RASSF4: variants seen among roughly 807,000 people sequenced by gnomAD.
RASSF4 encodes ras association domain-containing protein 4.
RASSF4 carries 38 observed loss-of-function variants against 41.1 expected under a neutral mutation model. The ratio of observed to expected loss-of-function variants is 0.92; its 90% CI spans 0.71 to 1.21. The LOEUF (loss-of-function observed/expected upper bound fraction) is 1.21. RASSF4 is among the 50% of genes most tolerant of loss of function. The pLI, the probability that RASSF4 is intolerant of heterozygous loss-of-function variation, is 0.00. For missense variants in RASSF4, 414 were observed against 419.4 expected, an observed-to-expected ratio of 0.99 and a Z score of 0.11; for synonymous variants, 179 against 163.4, an observed-to-expected ratio of 1.10 and a Z score of -0.73.
chr10:44,976,396 A>G (rs1841427725), intron 3 of RASSF4: 1 of 152,280 alleles, frequency 6.6e-6, no homozygotes. Context: ...AATAACCTAG[A>G]CTGACAGCTC....
intron 7 of RASSF4, 23 bp from the exon 8 acceptor site, chr10:44,989,643 TCTGA>T: frequency 6.2e-7 from 1 of 1,612,058 alleles, no homozygotes; most frequent in South Asian, 1.1e-5. Context: ...AGCACCGTGA[TCTGA>T]CTTCCTGTGA....
chr10:44,977,733 C>T, intron 3 of RASSF4: 1 of 1,605,234 alleles, frequency 6.2e-7, no homozygotes, highest in Non-Finnish European at 8.5e-7. Flanking sequence ...TCCACAGTAT[C>T]AGCCATGGGC....
chr10:44,989,667 C>G lies in RASSF4; in HGVS notation c.634-3C>G. ...ATCTGACTTCCTGTGACTGCCTGTGCAGGTGGAAGATGGCCCCAGTGAGTT... is the reference window on the plus strand; with the variant it reads ...ATCTGACTTCCTGTGACTGCCTGTGGAGGTGGAAGATGGCCCCAGTGAGTT... On this transcript the variant is annotated splice_polypyrimidine_tract_variant and splice_region_variant and intron_variant, in intron 7 of 10. Coordinates refer to ENST00000340258, the MANE Select transcript of RASSF4 (RefSeq NM_032023.4). The G allele has an allele frequency of 6.2e-7, 1 of 1,614,006 alleles. No individual in the cohort carries two copies. The highest frequency in any genetic ancestry group is 8.5e-7 in the Non-Finnish European group (1 of 1,179,852).
intron 1 of RASSF4, among the ~76,000 whole-genome samples, chr10:44,962,610 T>C (rs1167462421): frequency 6.6e-6 from 1 of 152,004 alleles, no homozygotes; most frequent in Non-Finnish European, 1.5e-5. Context: ...CCCAGAGGGG[T>C]CTGCCCCTCT....
At chr10:44,977,985 G>C (rs144604623) in intron 3 of RASSF4, 14 of 1,611,950 alleles carry the variant, frequency 8.7e-6, no homozygotes, top group Non-Finnish European at 1.1e-5. Flanking sequence ...GTGGTCTCCC[G>C]AATTGTGGGC....
chr10:44,983,905 C>T (rs1189730647), intron 4 of RASSF4, 117 bp from the exon 5 acceptor site: 1 of 1,529,240 alleles, frequency 6.5e-7, no homozygotes, highest in Non-Finnish European at 8.8e-7. Flanking sequence ...GGCCTCACCT[C>T]AGCCTGCCTT....
chr10:44,988,466 C>T (rs1314967367), intron 6 of RASSF4, among the ~76,000 whole-genome samples: 1 of 152,008 alleles, frequency 6.6e-6, no homozygotes, highest in Admixed American at 6.6e-5. Context: ...CCCCCACCCC[C>T]CAGCCAAATT....
At chr10:44,971,176 C>T (rs1485257923) in intron 2 of RASSF4, 6 of 309,722 alleles carry the variant, frequency 1.9e-5, no homozygotes, top group Non-Finnish European at 3.8e-5. Flanking sequence ...TCCAGGCCTC[C>T]CCTTCCTCCA....
chr10:44,987,806 T>C (rs1841975644), intron 6 of RASSF4, among the ~76,000 whole-genome samples: 1 of 152,160 alleles, frequency 6.6e-6, no homozygotes, highest in African/African-American at 2.4e-5. Context: ...TTAGATGTAG[T>C]ACTGTCTCAC....
At chr10:44,982,793 C>A in intron 4 of RASSF4, 130 bp downstream of exon 4, 1 of 1,032,394 alleles carries the variant, frequency 9.7e-7, no homozygotes, top group Non-Finnish European at 1.4e-6. Context: ...AGCCTCATCC[C>A]CATGCCCTGT....
chr10:44,986,403 C>A (rs1303959179), intron 6 of RASSF4, among the ~76,000 whole-genome samples: 2 of 152,230 alleles, frequency 1.3e-5, no homozygotes, highest in African/African-American at 4.8e-5. Flanking sequence ...TGAGGGTTTT[C>A]ATCGCAGCCT....
rs1021208752 is a variant in RASSF4 at position 44,975,062 on chromosome 10, G to A, written c.138+3214G>A. 5.3e-5 allele frequency among the ~76,000 whole-genome samples: 8 copies of A among 152,152 alleles called. No individual in the cohort carries two copies. In the Middle Eastern group the frequency reaches 0.01, roughly 195 times the overall value. On this transcript the variant is annotated intron_variant, in intron 3 of 10. Coordinates refer to ENST00000340258, the MANE Select transcript of RASSF4 (RefSeq NM_032023.4). Reference sequence around the variant, plus strand: ...GCCCCAGGCGGCAGGACCTTTTCTGGGGACTGTGTGCCGGCCCCGCCCGCC... The same window carrying A: ...GCCCCAGGCGGCAGGACCTTTTCTGAGGACTGTGTGCCGGCCCCGCCCGCC...
intron 8 of RASSF4, chr10:44,990,706 T>G (rs954780016): frequency 5.1e-5 from 19 of 372,122 alleles, no homozygotes; most frequent in Non-Finnish European, 8.8e-5. Context: ...CTCACTTGTA[T>G]CTTCTTCTTC....
rs1588824724 is a variant in RASSF4 at position 44,978,253 on chromosome 10, T to G, written c.139-4268T>G. On this transcript the variant is annotated intron_variant, in intron 3 of 10. Coordinates refer to ENST00000340258, the MANE Select transcript of RASSF4 (RefSeq NM_032023.4). ...GTTAAAAACCCCAAAGGCTTAAGAT[T>G]TTATCATTATCGTTTCAGAATGTGC... 20 of 537,778 alleles carry G rather than the reference T, an allele frequency of 3.7e-5. No homozygotes were observed. The East Asian group carries it at 6.6e-4, about 18-fold the overall frequency. 33.3% of individuals were successfully genotyped at this position (537,778 alleles called of 1,614,324 possible).
At chr10:44,988,736 T>A (rs573068133) in intron 6 of RASSF4, among the ~76,000 whole-genome samples, 66 of 152,196 alleles carry the variant, frequency 4.3e-4, no homozygotes, top group Non-Finnish European at 8.1e-4. Flanking sequence ...TGGATGCAGC[T>A]GGGCTAGACG....
chr10:44,980,774 T>C (rs1435700539), intron 3 of RASSF4: 1 of 152,382 alleles, frequency 6.6e-6, no homozygotes, highest in East Asian at 1.9e-4. Flanking sequence ...TGGGTCTCCA[T>C]GAGTGAGCCA....
chr10:44,983,985 C>T (rs746919665), intron 4 of RASSF4, 37 bp from the exon 5 acceptor site: 45 of 1,560,360 alleles, frequency 2.9e-5, no homozygotes, highest in Middle Eastern at 1.7e-4. Flanking sequence ...CTTTCTCTGC[C>T]GGCAGCCATC....
intron 3 of RASSF4, among the ~76,000 whole-genome samples, chr10:44,980,633 C>G (rs1841669060): frequency 6.6e-6 from 1 of 152,226 alleles, no homozygotes; most frequent in Admixed American, 6.5e-5. Flanking sequence ...TTCCAGGGTG[C>G]AGTGCACAAG....
In RASSF4 at chr10:44,995,558, TATCA is replaced by T. The variant is rs976554050; in HGVS notation, c.*2233_*2236del. The T allele has an allele frequency of 1.3e-5, 2 of 152,240 alleles. No homozygotes were observed. The highest frequency in any genetic ancestry group is 4.8e-5 in the African/African-American group (2 of 41,466). The allele number at this position is 152,240 out of a possible 1,614,324, so 9.4% of individuals were successfully genotyped here. Reference sequence around the variant, plus strand: ...ATAAGTTCACTTTTAAAGTAGGTGTTATCAATCTAATTTCTGAACGTTATGGGTC... The same window carrying T: ...ATAAGTTCACTTTTAAAGTAGGTGTTATCTAATTTCTGAACGTTATGGGTC... On this transcript the variant is annotated 3_prime_UTR_variant, in exon 11 of 11. Coordinates refer to ENST00000340258, the MANE Select transcript of RASSF4 (RefSeq NM_032023.4).
Sources: allele counts gnomAD v4.1 joint callset (sites outside exome capture counted in the v4.1 genomes callset), GRCh38; gene constraint gnomAD v4.1.1; transcripts MANE v1.5; gene names NCBI Gene and HGNC (gene_info 2026-07-23, HGNC 2026-07-21).